IFT80: variants seen among roughly 807,000 people sequenced by gnomAD.
IFT80 encodes the protein intraflagellar transport protein 80 homolog.
IFT80 carries 79 observed loss-of-function variants against 107.9 expected under a neutral mutation model. That is an observed-to-expected ratio of 0.73 (90% CI 0.61 to 0.88). The LOEUF is 0.88. Ranked by LOEUF, IFT80 falls within the 40% of genes least tolerant of loss-of-function variation. IFT80 has a pLI of 0.00. For synonymous variants in IFT80, 299 were observed against 300.9 expected, an observed-to-expected ratio of 0.99 and a Z score of 0.07; for missense variants, 797 against 914.2, an observed-to-expected ratio of 0.87 and a Z score of 1.65.
At chr3:160,259,153 TTAAGAA>T (rs1178544866) in intron 19 of IFT80, among the ~76,000 whole-genome samples, 3 of 152,066 alleles carry the variant, frequency 2.0e-5, no homozygotes, top group African/African-American at 7.2e-5. Context: ...CAAAGTAGTT[TTAAGAA>T]TAAGACCAAA....
At chr3:160,269,546 ATAAC>A (rs1713639526) in intron 18 of IFT80, among the ~76,000 whole-genome samples, 2 of 152,232 alleles carry the variant, frequency 1.3e-5, no homozygotes, top group South Asian at 4.1e-4. Context: ...ATGGTAGATG[ATAAC>A]TAAATAAATT....
chr3:160,377,611 T>A, intron 3 of IFT80, 71 bp from the exon 4 acceptor site: 2 of 810,934 alleles, frequency 2.5e-6, no homozygotes, highest in South Asian at 1.5e-5. Context: ...CTAGACTAAG[T>A]AATAGGCACT....
rs539134853 is a variant in IFT80, at chr3:160,397,784, C to T, written c.-47+1362G>A. ...TTGCCCAGGCTGTAGTGCAACGGCA[C>T]TATCTCGGCTCACCGCAACCTCCGC... On this transcript the variant is annotated intron_variant, in intron 1 of 19. Coordinates refer to ENST00000326448, the MANE Select transcript of IFT80 (RefSeq NM_020800.3). Among the ~76,000 whole-genome samples, 6 of 144,856 alleles carry T rather than the reference C, an allele frequency of 4.1e-5. No individual in the cohort carries two copies. In the South Asian group the frequency reaches 1.3e-3, roughly 31 times the overall value.
intron 9 of IFT80, among the ~76,000 whole-genome samples, chr3:160,310,948 T>A (rs1204793294): frequency 6.6e-6 from 1 of 152,090 alleles, no homozygotes; most frequent in Non-Finnish European, 1.5e-5. Context: ...GGTGAGACCC[T>A]GTCTCTACAA....
At chr3:160,380,627 C>T (rs1313631721) in intron 3 of IFT80, among the ~76,000 whole-genome samples, 1 of 151,932 alleles carries the variant, frequency 6.6e-6, no homozygotes, top group Admixed American at 6.6e-5. Context: ...CTAATTGAAA[C>T]AGCAGGTAAA....
At chr3:160,289,182 T>C (rs1386009826) in intron 12 of IFT80, among the ~76,000 whole-genome samples, 1 of 152,162 alleles carries the variant, frequency 6.6e-6, no homozygotes, top group Non-Finnish European at 1.5e-5. Context: ...CTGGAGGCCA[T>C]CATCCTTAGC....
intron 11 of IFT80, 109 bp from the exon 12 acceptor site, chr3:160,301,155 T>A: frequency 9.5e-7 from 1 of 1,047,712 alleles, no homozygotes; most frequent in Non-Finnish European, 1.4e-6. Context: ...ATCTTACAAT[T>A]AATGTAAATG....
chr3:160,277,698 T>G (rs765629825), intron 16 of IFT80, 28 bp from the exon 17 acceptor site: 10 of 1,459,212 alleles, frequency 6.9e-6, no homozygotes, highest in Non-Finnish European at 9.6e-6. Flanking sequence ...AACAATTATC[T>G]TAACTATGTG....
chr3:160,348,781 G>A (rs772370247), intron 8 of IFT80, among the ~76,000 whole-genome samples: 34 of 152,106 alleles, frequency 2.2e-4, no homozygotes, highest in Non-Finnish European at 4.6e-4. Context: ...CTGGATACAT[G>A]GATTAATCTT....
intron 6 of IFT80, among the ~76,000 whole-genome samples, chr3:160,359,712 G>A (rs563647017): frequency 1.4e-4 from 22 of 152,214 alleles, no homozygotes; most frequent in Admixed American, 9.8e-4. Context: ...CCAGGCAAAC[G>A]GCCTGAAGTG....
Position 160,277,685 on chromosome 3 carries a change from G to C in IFT80, c.1837-15C>G. ...ATGGTTTGCTCCTAAAGTAAAGTAT[G>C]AGAACAATTATCTTAACTATGTGAC... On this transcript the variant is annotated splice_polypyrimidine_tract_variant and intron_variant, in intron 16 of 19. Coordinates refer to ENST00000326448, the MANE Select transcript of IFT80 (RefSeq NM_020800.3). 1 of 1,571,958 alleles carries C rather than the reference G, an allele frequency of 6.4e-7. No homozygotes were observed. The highest frequency in any genetic ancestry group is 8.8e-7 in the Non-Finnish European group (1 of 1,142,382).
At chr3:160,301,294 C>G (rs1189772306) in intron 11 of IFT80, among the ~76,000 whole-genome samples, 1 of 151,896 alleles carries the variant, frequency 6.6e-6, no homozygotes. Context: ...AATCACCACC[C>G]TATACACTAA....
At chr3:160,277,210 T>C (rs1375235965) in intron 18 of IFT80, 96 bp downstream of exon 18, 20 of 1,071,608 alleles carry the variant, frequency 1.9e-5, no homozygotes, top group Non-Finnish European at 2.9e-5. Context: ...GTTAAGAAAC[T>C]AAAATATAGT....
chr3:160,292,093 T>C (rs1028713816), intron 12 of IFT80, among the ~76,000 whole-genome samples: 2 of 152,222 alleles, frequency 1.3e-5, no homozygotes, highest in Non-Finnish European at 2.9e-5. Context: ...CTTGGACTCA[T>C]GCCAGTAGCC....
chr3:160,301,633 T>C (rs1716432263), intron 11 of IFT80, among the ~76,000 whole-genome samples: 1 of 151,970 alleles, frequency 6.6e-6, no homozygotes, highest in Admixed American at 6.6e-5. Context: ...CACCTATTTT[T>C]TTGCCACAGG....
At chr3:160,350,063 G>A (rs1160375929) in intron 8 of IFT80, among the ~76,000 whole-genome samples, 1 of 152,094 alleles carries the variant, frequency 6.6e-6, no homozygotes, top group Non-Finnish European at 1.5e-5. Context: ...TTTAATATAT[G>A]TCTTATCAAC....
At chr3:160,304,056 T>A (rs1171760580) in intron 10 of IFT80, 67 bp from the exon 11 acceptor site, 8 of 1,031,780 alleles carry the variant, frequency 7.8e-6, no homozygotes, top group Non-Finnish European at 1.2e-5. Flanking sequence ...ATAAGTAGAT[T>A]GGTATTCATT....
intron 6 of IFT80, among the ~76,000 whole-genome samples, chr3:160,358,304 T>A (rs1392627770): frequency 6.6e-6 from 1 of 151,884 alleles, no homozygotes; most frequent in Non-Finnish European, 1.5e-5. Flanking sequence ...TGAGCCACCA[T>A]GTTCAGCCCC....
intron 18 of IFT80, among the ~76,000 whole-genome samples, chr3:160,273,975 C>T (rs1022459795): frequency 1.3e-5 from 2 of 152,150 alleles, no homozygotes; most frequent in Non-Finnish European, 2.9e-5. Context: ...TTCCTCATTA[C>T]ATCTTCTTTG....
Sources: gnomAD v4.1 joint callset for allele counts (sites outside exome capture counted in the v4.1 genomes callset) on GRCh38, gnomAD v4.1.1 for gene constraint, MANE v1.5 for transcripts, NCBI Gene and HGNC (gene_info 2026-07-23, HGNC 2026-07-21) for gene names.